Variants in WBP11 observed in about 807,000 individuals in gnomAD.
WBP11 encodes the protein WW domain-binding protein 11.
A neutral mutation model predicts 66.7 loss-of-function variants in WBP11; 12 were observed. The ratio of observed to expected loss-of-function variants is 0.18; its 90% CI spans 0.12 to 0.29. The LOEUF (loss-of-function observed/expected upper bound fraction) is 0.29. Among genes scored for constraint, WBP11 ranks in the 10% least tolerant of loss-of-function variants. The pLI is 1.00. For synonymous variants in WBP11, 255 were observed against 273.8 expected (o/e 0.93, Z 0.68); for missense variants, 555 against 818.3 (o/e 0.68, Z 3.93).
In WBP11 at chr12:14,796,527, A is replaced by G. The variant is rs910651581; in HGVS notation, c.387+280T>C. 1.3e-5 allele frequency among the ~76,000 whole-genome samples: 2 copies of G among 152,172 alleles called. No individual in the cohort carries two copies. Among genetic ancestry groups the G allele is most frequent in the Non-Finnish European group, 2.9e-5 (2 of 68,012 alleles). On this transcript the variant is annotated intron_variant, in intron 5 of 11. Coordinates refer to ENST00000261167, the MANE Select transcript of WBP11 (RefSeq NM_016312.3). This position sits in a 1 kb window ranked among gnomAD's most constrained non-coding sequence, Gnocchi z 4.5. Reference sequence around the variant, plus strand: ...GACTCCCATATGATGCCATGGTGGAAAAATCCACACCTGACCTAATGTGAT... The same window carrying G: ...GACTCCCATATGATGCCATGGTGGAGAAATCCACACCTGACCTAATGTGAT...
chr12:14,786,860 G>T lies in WBP11; in HGVS notation c.*205C>A. The T allele has an allele frequency of 1.8e-6, 1 of 558,732 alleles. No homozygotes were observed. The highest frequency in any genetic ancestry group is 3.1e-6 in the Non-Finnish European group (1 of 319,612). 34.6% of individuals were successfully genotyped at this position (558,732 alleles called of 1,614,324 possible). A position where few individuals can be genotyped will look rare whatever the true frequency, so the allele number is the denominator to read the frequency against. On this transcript the variant is annotated 3_prime_UTR_variant, in exon 12 of 12. Coordinates refer to ENST00000261167, the MANE Select transcript of WBP11 (RefSeq NM_016312.3). ...AAAGGGAATGGATGTTAGCAGCACT[G>T]CTTCAATAACTGATCTATTCTGGAT... is the stretch of plus-strand genomic sequence containing the variant.
At chr12:14,802,768 T>C (rs7959540) in intron 1 of WBP11, among the ~76,000 whole-genome samples, 3 of 151,492 alleles carry the variant, frequency 2.0e-5, no homozygotes, top group Non-Finnish European at 4.4e-5. Context: ...AATCAGTACA[T>C]ATACAAGCTC....
intron 5 of WBP11, 22 bp from the exon 6 acceptor site, chr12:14,795,126 T>C (rs773618139): frequency 3.2e-5 from 49 of 1,545,326 alleles, no homozygotes; most frequent in Non-Finnish European, 3.9e-5. Flanking sequence ...AACCATTCAG[T>C]AGTATGATAA....
At position 14,785,754 on chromosome 12, in the gene WBP11, A is replaced by G. The variant is rs1483177147; in HGVS notation, c.*1311T>C. 2 of 152,232 alleles carry G rather than the reference A, an allele frequency of 1.3e-5. No individual in the cohort carries two copies. Among genetic ancestry groups the G allele is most frequent in the African/African-American group, 4.8e-5 (2 of 41,468 alleles). 9.4% of individuals were successfully genotyped at this position (152,232 alleles called of 1,614,324 possible). A position where few individuals can be genotyped will look rare whatever the true frequency, so the allele number is the denominator to read the frequency against. On this transcript the variant is annotated 3_prime_UTR_variant, in exon 12 of 12. Coordinates refer to ENST00000261167, the MANE Select transcript of WBP11 (RefSeq NM_016312.3). ...GATTCATGTAAAAGGCATTTGAGAT[A>G]CTGTGGAAAGTAACGTATGCCTAAA... is the stretch of plus-strand genomic sequence containing the variant.
Position 14,787,439 on chromosome 12 carries a change from C to G in WBP11, c.1552G>C (p.Ala518Pro), listed in dbSNP as rs892045000. Residue 518 changes from alanine (A) to proline (P), a missense_variant, in exon 12 of 12, where the codon GCC becomes CCC. Ala to Pro is a conservative substitution (Grantham distance 27). This residue lies in a region of WBP11 where 230 missense variants were observed against 286.3 expected (regional missense o/e 0.80). Coordinates refer to ENST00000261167, the MANE Select transcript of WBP11 (RefSeq NM_016312.3). ...GCTGGTGGGAACAGCCCAGGGGGGG[C>G]AGGTCCAAGGGGAGGCACCAAAGGT... is the stretch of plus-strand genomic sequence containing the variant. ...RPPLVPPLGP[A>P]PPGLFPPAPL... 16 of 1,545,666 alleles carry G rather than the reference C, an allele frequency of 1.0e-5. No individual in the cohort carries two copies. Among genetic ancestry groups the G allele is most frequent in the Non-Finnish European group, 1.4e-5 (16 of 1,143,926 alleles).
chr12:14,793,631 A>C (rs1457904101), intron 8 of WBP11, 100 bp downstream of exon 8: 1 of 1,404,422 alleles, frequency 7.1e-7, no homozygotes, highest in Non-Finnish European at 9.6e-7. Context: ...CCCGACTTCC[A>C]AAGATTTCAG....
intron 4 of WBP11, among the ~76,000 whole-genome samples, chr12:14,797,363 TTC>T (rs3083899): frequency 0.17 from 25,898 of 152,156 alleles, 2,689 homozygotes; most frequent in Admixed American, 0.29. Flanking sequence ...TTTACTTGAA[TTC>T]TCTGATTTTT....
chr12:14,791,491 T>C (rs188567429), intron 8 of WBP11, among the ~76,000 whole-genome samples: 5 of 152,284 alleles, frequency 3.3e-5, no homozygotes, highest in Admixed American at 3.3e-4. Flanking sequence ...GCCCAGAATA[T>C]ACAAAACTTA....
intron 1 of WBP11, among the ~76,000 whole-genome samples, chr12:14,802,497 T>G (rs1183576166): frequency 6.6e-6 from 1 of 152,128 alleles, no homozygotes; most frequent in Non-Finnish European, 1.5e-5. Context: ...AAGGCTCTGA[T>G]TTTTAGCTTC....
chr12:14,795,300 A>C (rs963186905), intron 5 of WBP11, among the ~76,000 whole-genome samples, 196 bp from the exon 6 acceptor site: 2 of 152,184 alleles, frequency 1.3e-5, no homozygotes, highest in Non-Finnish European at 1.5e-5. Flanking sequence ...TACTTCTAAA[A>C]ACGTCAGAAC....
At chr12:14,789,824 G>A (rs879073752) in intron 10 of WBP11, among the ~76,000 whole-genome samples, 2 of 152,186 alleles carry the variant, frequency 1.3e-5, no homozygotes, top group Admixed American at 1.3e-4. Flanking sequence ...CACTAAGAAT[G>A]ACATAAAATA....
At chr12:14,797,135 TC>T in intron 4 of WBP11, 132 bp from the exon 5 acceptor site, 1 of 540,474 alleles carries the variant, frequency 1.9e-6, no homozygotes, top group Non-Finnish European at 2.9e-6. Flanking sequence ...CATACTCTTT[TC>T]AATTTTATTC....
chr12:14,803,202 C>G (rs778256931), intron 1 of WBP11, 150 bp downstream of exon 1: 24 of 384,176 alleles, frequency 6.2e-5, no homozygotes, highest in Non-Finnish European at 9.7e-5. Context: ...CCACCCCAGG[C>G]CCAGGAATAG....
chr12:14,798,361 C>T lies in WBP11; in HGVS notation c.190+1274G>A, dbSNP rs144056705. Among the ~76,000 whole-genome samples the T allele has an allele frequency of 4.1e-4, 62 of 152,068 alleles. 1 individual carries two copies. The East Asian group carries it at 0.012, about 28-fold the overall frequency. The stretch of plus-strand genomic sequence containing the variant: ...GTGCACCTACCCTAAAAAATTGTGA[C>T]GATTAGAAAACTGGTGGAAAAAAAC... On this transcript the variant is annotated intron_variant, in intron 4 of 11. Coordinates refer to ENST00000261167, the MANE Select transcript of WBP11 (RefSeq NM_016312.3).
chr12:14,796,825 T>C lies in WBP11; in HGVS notation c.369A>G (p.Gln123=), dbSNP rs944654367. The change falls in exon 5 of 12, where the codon CAA becomes CAG. Residue 123 remains glutamine (Q), a synonymous_variant. Transcript: ENST00000261167. This position sits in a 1 kb window ranked among gnomAD's most constrained non-coding sequence, Gnocchi z 4.5. ...EYEQKRAQLS[Q]YFDAVKNAQH... is the part of the protein sequence containing the mutation. The stretch of plus-strand genomic sequence containing the variant: ...TGATTACCTTGACAGCATCAAAATA[T>C]TGGCTAAGTTGAGCCCTCTTCTGTT... The C allele has an allele frequency of 1.9e-6, 3 of 1,592,404 alleles. No individual in the cohort carries two copies. The highest frequency in any genetic ancestry group is 1.4e-5 in the African/African-American group (1 of 73,286).
At chr12:14,799,594 A>G in intron 4 of WBP11, 41 bp downstream of exon 4, 1 of 1,586,180 alleles carries the variant, frequency 6.3e-7, no homozygotes, top group South Asian at 1.1e-5. Flanking sequence ...CTGCCTCTGT[A>G]CGTGTCAGAC....
chr12:14,797,689 G>A (rs7305454), intron 4 of WBP11, among the ~76,000 whole-genome samples: 25,029 of 152,132 alleles, frequency 0.16, 2,312 homozygotes, highest in African/African-American at 0.24. Context: ...TCCAAACTGG[G>A]ACCAGAACAT....
chr12:14,790,619 G>A lies in WBP11; in HGVS notation c.1146C>T (p.Gly382=). 1 of 1,614,080 alleles carries A rather than the reference G, an allele frequency of 6.2e-7. No individual in the cohort carries two copies. ...GCTGCTGTGAAGAAGCAGTGGATGT[G>A]CCATCAGAATGGGATTCCTCTTTAT... ...KQHKEESHSD[G]TSTASSQQQA... The change falls in exon 10 of 12, where the codon GGC becomes GGT. Residue 382 remains glycine (G), a synonymous_variant. Coordinates refer to ENST00000261167, the MANE Select transcript of WBP11 (RefSeq NM_016312.3).
intron 1 of WBP11, 34 bp from the exon 2 acceptor site, chr12:14,801,462 C>T: frequency 7.3e-7 from 1 of 1,372,550 alleles, no homozygotes; most frequent in South Asian, 1.2e-5. Flanking sequence ...TAGCTTATAT[C>T]TCCTAAATGT....
Sources: gnomAD v4.1 joint callset for allele counts (sites outside exome capture counted in the v4.1 genomes callset) on GRCh38, gnomAD v4.1.1 for gene constraint, gnomAD v4.1.1 regional missense constraint, Gnocchi (gnomAD v3.1) non-coding constraint, MANE v1.5 for transcripts, NCBI Gene and HGNC (gene_info 2026-07-23, HGNC 2026-07-21) for gene names.